The following DCC variants were observed in gnomAD, a reference collection of about 807,000 sequenced individuals.
DCC encodes the protein netrin receptor DCC.
A neutral mutation model predicts 172.5 loss-of-function variants in DCC; 58 were observed. The ratio of observed to expected loss-of-function variants is 0.34; its 90% CI spans 0.27 to 0.42. The LOEUF (loss-of-function observed/expected upper bound fraction) is 0.42. Ranked by LOEUF, DCC falls within the 10% of genes least tolerant of loss-of-function variation. The pLI is 1.00. For synonymous variants in DCC, 709 were observed against 644.5 expected, an observed-to-expected ratio of 1.10 and a Z score of -1.52; for missense variants, 1,740 against 1,791.0, an observed-to-expected ratio of 0.97 and a Z score of 0.51.
intron 5 of DCC, among the ~76,000 whole-genome samples, chr18:53,031,080 G>A (rs1479703103): frequency 1.3e-5 from 2 of 152,108 alleles, no homozygotes; most frequent in East Asian, 3.9e-4. Context: ...CCGACATGGT[G>A]AAACCCTATT....
chr18:52,927,403 A>G (rs2040235447), intron 5 of DCC, among the ~76,000 whole-genome samples: 1 of 151,688 alleles, frequency 6.6e-6, no homozygotes, highest in South Asian at 2.1e-4. Context: ...ATATTTAATA[A>G]TTATTTCCAC....
chr18:52,882,928 G>A (rs1023901507), intron 2 of DCC, among the ~76,000 whole-genome samples: 1 of 151,942 alleles, frequency 6.6e-6, no homozygotes, highest in Admixed American at 6.6e-5. Flanking sequence ...ATATGTCTGG[G>A]TGCTCCCACA....
chr18:52,406,098 C>A (rs1986640061), intron 1 of DCC, among the ~76,000 whole-genome samples: 3 of 144,290 alleles, frequency 2.1e-5, no homozygotes, highest in Admixed American at 6.9e-5. Context: ...ATAAATGGTG[C>A]TGGGAAAACT....
chr18:53,195,198 TG>T (rs2055425471), intron 9 of DCC, among the ~76,000 whole-genome samples: 1 of 152,180 alleles, frequency 6.6e-6, no homozygotes, highest in African/African-American at 2.4e-5. Context: ...CTACCTGAAA[TG>T]TTTTTTAAAA....
intron 1 of DCC, among the ~76,000 whole-genome samples, chr18:52,357,138 A>G (rs1213851194): frequency 6.6e-6 from 1 of 152,208 alleles, no homozygotes; most frequent in African/African-American, 2.4e-5. Context: ...CAAAAGCAGG[A>G]CATTCTACTC....
chr18:53,357,802 C>A (rs548605595), intron 15 of DCC, among the ~76,000 whole-genome samples: 1 of 152,098 alleles, frequency 6.6e-6, no homozygotes, highest in African/African-American at 2.4e-5. Context: ...ATAGTGAACA[C>A]GGACTTCAGC....
At chr18:53,447,034 C>T (rs1174791540) in intron 22 of DCC, among the ~76,000 whole-genome samples, 2 of 152,024 alleles carry the variant, frequency 1.3e-5, no homozygotes, top group African/African-American at 2.4e-5. Context: ...ATTAATGAAT[C>T]GACATTATAT....
intron 1 of DCC, among the ~76,000 whole-genome samples, chr18:52,603,903 A>G (rs1245134902): frequency 6.6e-6 from 1 of 152,062 alleles, no homozygotes; most frequent in African/African-American, 2.4e-5. Flanking sequence ...TATGTTTACT[A>G]AGAAATTTAT....
At chr18:53,140,274 C>A (rs80192899) in intron 7 of DCC, among the ~76,000 whole-genome samples, 1,754 of 151,904 alleles carry the variant, frequency 0.012, 24 homozygotes, top group Non-Finnish European at 0.015. Context: ...ATGTTAAAAC[C>A]CAAATTAAAC....
intron 1 of DCC, among the ~76,000 whole-genome samples, chr18:52,501,474 G>A (rs2031016513): frequency 6.6e-6 from 1 of 152,132 alleles, no homozygotes; most frequent in African/African-American, 2.4e-5. Context: ...TAAAGGTAAT[G>A]TGAAAAATAG....
At chr18:52,988,611 T>C (rs2041332936) in intron 5 of DCC, among the ~76,000 whole-genome samples, 1 of 152,168 alleles carries the variant, frequency 6.6e-6, no homozygotes, top group East Asian at 1.9e-4. Flanking sequence ...AATATAAGCA[T>C]TGTAGATAAG....
intron 6 of DCC, among the ~76,000 whole-genome samples, chr18:53,065,820 T>C (rs1010413724): frequency 1.3e-5 from 2 of 152,180 alleles, no homozygotes; most frequent in Admixed American, 1.3e-4. Context: ...TATTATTTAA[T>C]GCAGATCTAG....
chr18:53,527,087 ATACGTGTGTGTGTGTGTGTG>A (rs1247870906), intron 28 of DCC: 4 of 325,530 alleles, frequency 1.2e-5, no homozygotes, highest in Admixed American at 4.6e-5. Context: ...ATACACATGG[ATACGTGTGTGTGTGTGTGTG>A]TGTGTGTGTG....
At position 52,491,877 on chromosome 18, in the gene DCC, G is replaced by A. The variant is rs1019159738; in HGVS notation, c.91+150999G>A. Among the ~76,000 whole-genome samples the A allele has an allele frequency of 3.3e-5, 5 of 151,990 alleles. No individual in the cohort carries two copies. The South Asian group carries it at 1.0e-3, about 32-fold the overall frequency. On this transcript the variant is annotated intron_variant, in intron 1 of 28. Transcript: ENST00000442544. ...CTGGGATGTTTGGGGTGTATCTGAG[G>A]TACATAGGTGATGATTCCTGTCTGG...
intron 5 of DCC, among the ~76,000 whole-genome samples, chr18:53,039,826 C>T (rs971014395): frequency 6.6e-6 from 1 of 151,840 alleles, no homozygotes; most frequent in African/African-American, 2.4e-5. Flanking sequence ...TGTAGTTGTT[C>T]CTCTTCTGTA....
chr18:53,232,003 G>A (rs1568380461), intron 12 of DCC, among the ~76,000 whole-genome samples: 1 of 152,056 alleles, frequency 6.6e-6, no homozygotes, highest in African/African-American at 2.4e-5. Flanking sequence ...TTGTCTTTAA[G>A]CAACCATTTT....
chr18:53,148,650 G>T (rs552450656), intron 7 of DCC, among the ~76,000 whole-genome samples: 1 of 152,198 alleles, frequency 6.6e-6, no homozygotes, highest in East Asian at 1.9e-4. Flanking sequence ...AGAAAAAAGA[G>T]ACCTGAAATG....
chr18:53,320,863 T>A (rs995897862), intron 13 of DCC, among the ~76,000 whole-genome samples: 1 of 152,186 alleles, frequency 6.6e-6, no homozygotes, highest in Non-Finnish European at 1.5e-5. Context: ...AATATATGTC[T>A]TCATGGAGCT....
chr18:52,515,501 G>A (rs2031599473), intron 1 of DCC, among the ~76,000 whole-genome samples: 1 of 150,152 alleles, frequency 6.7e-6, no homozygotes, highest in Admixed American at 6.7e-5. Context: ...CAGCTACTCG[G>A]GAGGCTGAGG....
Sources: gnomAD v4.1 joint callset for allele counts (sites outside exome capture counted in the v4.1 genomes callset) on GRCh38, gnomAD v4.1.1 for gene constraint, MANE v1.5 for transcripts, NCBI Gene and HGNC (gene_info 2026-07-23, HGNC 2026-07-21) for gene names.